Variants in SEPTIN11 observed in about 807,000 individuals in gnomAD.
SEPTIN11 encodes the protein septin 11.
Under a neutral mutation model 51.4 loss-of-function variants are expected in SEPTIN11, and 25 were observed. That is an observed-to-expected ratio of 0.49 (90% CI 0.35 to 0.68). The LOEUF (loss-of-function observed/expected upper bound fraction) is 0.68. SEPTIN11 is among the 30% of genes least tolerant of loss of function. The probability of loss-of-function intolerance (pLI) is 0.00; values close to 1 mark genes in which losing one functional copy is unlikely to be tolerated. For synonymous variants in SEPTIN11, 174 were observed against 184.1 expected (o/e 0.95, Z 0.44); for missense variants, 381 against 520.8 (o/e 0.73, Z 2.61).
In SEPTIN11 at chr4:77,036,091, C is replaced by T; in HGVS notation, c.*1579C>T. 2.0e-6 allele frequency: 2 copies of T among 985,886 alleles called. No homozygotes were observed. Among genetic ancestry groups the T allele is most frequent in the Non-Finnish European group, 2.4e-6 (2 of 829,988 alleles). 61.1% of individuals were successfully genotyped at this position (985,886 alleles called of 1,614,324 possible). ...GATTTTTTCTCCTTTTCTTTGTCCTCAACCATACTTAGAGGAAAGAAGGAA... is the reference window on the plus strand; with the variant it reads ...GATTTTTTCTCCTTTTCTTTGTCCTTAACCATACTTAGAGGAAAGAAGGAA... On this transcript the variant is annotated 3_prime_UTR_variant, in exon 10 of 10. Transcript: ENST00000264893.
intron 9 of SEPTIN11, among the ~76,000 whole-genome samples, chr4:77,032,891 A>G (rs1033472804): frequency 6.6e-6 from 1 of 151,360 alleles, no homozygotes; most frequent in African/African-American, 2.4e-5. Context: ...TGAACATGTT[A>G]GGTTATTTTC....
intron 4 of SEPTIN11, among the ~76,000 whole-genome samples, chr4:77,013,945 T>A (rs897832987): frequency 6.6e-6 from 1 of 152,162 alleles, no homozygotes; most frequent in Non-Finnish European, 1.5e-5. Flanking sequence ...GGAAAGTTAA[T>A]CTTAAAATGC....
At chr4:76,955,053 A>T (rs1259155581) in intron 1 of SEPTIN11, among the ~76,000 whole-genome samples, 1 of 152,042 alleles carries the variant, frequency 6.6e-6, no homozygotes, top group Non-Finnish European at 1.5e-5. Context: ...AAATTTACCT[A>T]CTTGTTTTTG....
chr4:76,970,243 A>G (rs1399208780), intron 1 of SEPTIN11, among the ~76,000 whole-genome samples: 10 of 152,150 alleles, frequency 6.6e-5, no homozygotes, highest in Non-Finnish European at 1.3e-4. Context: ...AGTTTTCTGA[A>G]TTCCCATTTT....
intron 7 of SEPTIN11, among the ~76,000 whole-genome samples, chr4:77,026,540 C>T (rs1726157309): frequency 1.3e-5 from 2 of 152,126 alleles, no homozygotes; most frequent in Non-Finnish European, 2.9e-5. Flanking sequence ...GGTTGAGATC[C>T]ACCATGCACT....
chr4:77,039,643 G>T (rs1374753010), downstream of SEPTIN11: 28 of 967,508 alleles, frequency 2.9e-5, no homozygotes, highest in Middle Eastern at 5.3e-4. Flanking sequence ...GGTGTTTGGG[G>T]TTTTTAAAAA....
At chr4:77,030,245 A>C (rs1335460458) in intron 8 of SEPTIN11, among the ~76,000 whole-genome samples, 8 of 152,012 alleles carry the variant, frequency 5.3e-5, no homozygotes, top group Non-Finnish European at 7.4e-5. Context: ...AACAGAGCGA[A>C]GGAATTTTTA....
In SEPTIN11 at chr4:77,020,557, G is replaced by A; in HGVS notation, c.840G>A (p.Val280=). The part of the protein sequence containing the change: ...FVKLREMLIR[V]NMEDLREQTH... Reference sequence around the variant, plus strand: ...AACTTCGAGAGATGCTGATCCGCGTGAACATGGAGGACTTGCGAGAGCAGA... The same window carrying A: ...AACTTCGAGAGATGCTGATCCGCGTAAACATGGAGGACTTGCGAGAGCAGA... The change falls in exon 7 of 10, where the codon GTG becomes GTA. Residue 280 remains valine, a synonymous_variant. Transcript: ENST00000264893. The A allele has an allele frequency of 3.1e-6, 5 of 1,614,004 alleles. No individual in the cohort carries two copies. The highest frequency in any genetic ancestry group is 4.2e-6 in the Non-Finnish European group (5 of 1,180,004).
At chr4:77,015,546 A>G (rs1248964633) in intron 5 of SEPTIN11, among the ~76,000 whole-genome samples, 2 of 152,088 alleles carry the variant, frequency 1.3e-5, no homozygotes, top group African/African-American at 4.8e-5. Context: ...TTGTGATGTA[A>G]TCCCTCCTGG....
intron 7 of SEPTIN11, among the ~76,000 whole-genome samples, chr4:77,022,627 G>T (rs1399040292): frequency 1.3e-5 from 2 of 152,174 alleles, no homozygotes; most frequent in African/African-American, 4.8e-5. Context: ...TCCTCAGGCT[G>T]TAGTTTCCCA....
chr4:77,040,000 A>G (rs1440566772), downstream of SEPTIN11: 1 of 152,934 alleles, frequency 6.5e-6, no homozygotes, highest in East Asian at 1.9e-4. Flanking sequence ...TCTGTTTAAC[A>G]TGCTTTCCTT....
intron 1 of SEPTIN11, among the ~76,000 whole-genome samples, chr4:76,955,970 G>T (rs770128118): frequency 2.0e-5 from 3 of 152,182 alleles, no homozygotes; most frequent in Non-Finnish European, 4.4e-5. Flanking sequence ...ACTTCAAGTG[G>T]CAATCAGTGT....
downstream of SEPTIN11, chr4:77,039,610 T>C (rs938045296): frequency 3.0e-6 from 3 of 984,912 alleles, no homozygotes; most frequent in South Asian, 9.4e-5. Flanking sequence ...TTCCTTCCTT[T>C]TGTTAGTTTT....
intron 2 of SEPTIN11, among the ~76,000 whole-genome samples, chr4:77,001,640 G>A (rs1301284707): frequency 6.6e-6 from 1 of 152,196 alleles, no homozygotes. Flanking sequence ...GTGAGCCACC[G>A]TGCCTGGCCT....
chr4:77,027,120 A>G (rs1293041501), intron 7 of SEPTIN11, among the ~76,000 whole-genome samples: 1 of 152,180 alleles, frequency 6.6e-6, no homozygotes, highest in East Asian at 1.9e-4. Flanking sequence ...TTATTGAAGT[A>G]TAAACCAGCC....
At chr4:77,017,216 A>G (rs1369536516) in intron 5 of SEPTIN11, among the ~76,000 whole-genome samples, 1 of 152,200 alleles carries the variant, frequency 6.6e-6, no homozygotes, top group Non-Finnish European at 1.5e-5. Flanking sequence ...TATCTTTGTT[A>G]AACTTATTGG....
At chr4:76,953,880 C>A (rs1023061701) in intron 1 of SEPTIN11, among the ~76,000 whole-genome samples, 1 of 152,022 alleles carries the variant, frequency 6.6e-6, no homozygotes, top group African/African-American at 2.4e-5. Flanking sequence ...ACAAAACTGC[C>A]CATAACCCAC....
Position 77,034,753 on chromosome 4 carries a change from G to A in SEPTIN11, c.*241G>A. On this transcript the variant is annotated 3_prime_UTR_variant, in exon 10 of 10. Transcript: ENST00000264893. ...TCTGTTTCCGGAAAGTAAATGATTT[G>A]CTTTTTATGCCTGTTCTGAATGGCA... The A allele has an allele frequency of 1.6e-6, 2 of 1,216,708 alleles. No individual in the cohort carries two copies. Among genetic ancestry groups the A allele is most frequent in the South Asian group, 3.3e-5 (1 of 29,970 alleles). The allele number at this position is 1,216,708 out of a possible 1,614,324, so 75.4% of individuals were successfully genotyped here. A position where few individuals can be genotyped will look rare whatever the true frequency, so the allele number is the denominator to read the frequency against.
chr4:77,039,409 T>C (rs1727243251), downstream of SEPTIN11: 1 of 1,047,846 alleles, frequency 9.5e-7, no homozygotes, highest in South Asian at 3.2e-5. Flanking sequence ...AGAACTATCA[T>C]GTTCTTGAAG....
Sources: allele counts gnomAD v4.1 joint callset (sites outside exome capture counted in the v4.1 genomes callset), GRCh38; gene constraint gnomAD v4.1.1; transcripts MANE v1.5; gene names NCBI Gene and HGNC (gene_info 2026-07-23, HGNC 2026-07-21).